The following NDE1 variants were observed in gnomAD, a reference collection of about 807,000 sequenced individuals.
NDE1 encodes the protein nudE neurodevelopment protein 1, also known as nuclear distribution protein nudE homolog 1.
Under a neutral mutation model 43.4 loss-of-function variants are expected in NDE1, and 28 were observed. The ratio of observed to expected loss-of-function variants is 0.65; its 90% CI spans 0.48 to 0.89. The LOEUF is 0.89. NDE1 is among the 40% of genes least tolerant of loss of function. The probability of loss-of-function intolerance (pLI) is 0.00; values close to 1 mark genes in which losing one functional copy is unlikely to be tolerated. For missense variants in NDE1, 441 were observed against 434.1 expected (o/e 1.02, Z -0.14); for synonymous variants, 184 against 172.0 (o/e 1.07, Z -0.55).
intron 3 of NDE1, among the ~76,000 whole-genome samples, chr16:15,671,779 C>G (rs190540114): frequency 3.3e-5 from 5 of 152,224 alleles, no homozygotes; most frequent in Middle Eastern, 3.4e-3. Context: ...CAACCTCTGA[C>G]TTCCAGGCTT....
At chr16:15,693,655 A>G (rs2038864634) in intron 6 of NDE1, among the ~76,000 whole-genome samples, 1 of 151,894 alleles carries the variant, frequency 6.6e-6, no homozygotes, top group South Asian at 2.1e-4. Flanking sequence ...AAAATTTGTT[A>G]AAGGCCAGGC....
intron 8 of NDE1, among the ~76,000 whole-genome samples, chr16:15,705,092 G>A (rs2039376500): frequency 6.6e-6 from 1 of 152,194 alleles, no homozygotes; most frequent in African/African-American, 2.4e-5. Flanking sequence ...CAGTCCTTGA[G>A]CCTCAGTATT....
At chr16:15,703,252 ACAGAAGG>A in intron 8 of NDE1, 1 of 216,932 alleles carries the variant, frequency 4.6e-6, no homozygotes. Context: ...TCATGTGACT[ACAGAAGG>A]CACTTGGTGA....
Position 15,712,373 on chromosome 16 carries a change from C to G in NDE1, c.948-11818C>G, listed in dbSNP as rs139739458. Among the ~76,000 whole-genome samples, 106 of 152,116 alleles carry G rather than the reference C, an allele frequency of 7.0e-4. No homozygotes were observed. In the East Asian group the frequency reaches 0.018, roughly 26 times the overall value. ...GGGGAGAGATGAAAACAACTAAGGC[C>G]GTGCAGTGGTCCATGCCTGTAATCC... On this transcript the variant is annotated intron_variant, in intron 8 of 8. Coordinates refer to ENST00000396354, the MANE Select transcript of NDE1 (RefSeq NM_017668.3).
chr16:15,696,984 A>C (rs898925290), intron 8 of NDE1, 124 bp downstream of exon 8: 11 of 1,540,240 alleles, frequency 7.1e-6, no homozygotes, highest in African/African-American at 2.7e-5. Flanking sequence ...AGCAAACCTT[A>C]TCCTCTCCTC....
chr16:15,694,800 G>A (rs186211007), intron 7 of NDE1: 136 of 985,314 alleles, frequency 1.4e-4, no homozygotes, highest in Admixed American at 1.1e-3. Flanking sequence ...TCCTTTTACC[G>A]TTTTTCCTCT....
chr16:15,720,391 C>T (rs1261849734), intron 8 of NDE1: 3 of 1,531,380 alleles, frequency 2.0e-6, no homozygotes, highest in African/African-American at 1.4e-5. Flanking sequence ...CACATCACTG[C>T]ACCCCTTCCC....
chr16:15,664,495 T>C (rs2037202460), intron 1 of NDE1, among the ~76,000 whole-genome samples: 1 of 152,082 alleles, frequency 6.6e-6, no homozygotes, highest in Non-Finnish European at 1.5e-5. Flanking sequence ...TAGCTGGGAC[T>C]ACAGGCACCC....
rs2040718884 is a variant in NDE1, at chr16:15,725,676, A to T, written c.*1425A>T. On this transcript the variant is annotated 3_prime_UTR_variant, in exon 9 of 9. Coordinates refer to ENST00000396354, the MANE Select transcript of NDE1 (RefSeq NM_017668.3). Reference sequence around the variant, plus strand: ...TGCTCTCAACTGCATGTGAGAAAAAAACATCTCACTTAATTCTTCCCTCGC... The same window carrying T: ...TGCTCTCAACTGCATGTGAGAAAAATACATCTCACTTAATTCTTCCCTCGC... 2.5e-6 allele frequency: 1 copy of T among 398,862 alleles called. No homozygotes were observed. The highest frequency in any genetic ancestry group is 4.4e-5 in the Admixed American group (1 of 22,746). 24.7% of individuals were successfully genotyped at this position (398,862 alleles called of 1,614,324 possible).
chr16:15,707,788 A>G (rs2039536251), intron 8 of NDE1, among the ~76,000 whole-genome samples: 1 of 152,118 alleles, frequency 6.6e-6, no homozygotes, highest in South Asian at 2.1e-4. Flanking sequence ...CCTGGCCAAC[A>G]TGGTGATATC....
intron 8 of NDE1, chr16:15,700,229 T>A (rs2039178385): frequency 2.0e-6 from 1 of 509,454 alleles, no homozygotes; most frequent in South Asian, 7.4e-5. Context: ...TCCAGGTAGC[T>A]GGGATTACAG....
Position 15,688,689 on chromosome 16 carries a change from C to CTTTTTTTTTTTTTT in NDE1, c.523+1192_523+1205dup. ...AGTGGATTGTCCAAGTTGTTTTTAC[C>CTTTTTTTTTTTTTT]TTTTTTTTTTTTTTTTTTTTTTTTT... On this transcript the variant is annotated intron_variant, in intron 5 of 8. Coordinates refer to ENST00000396354, the MANE Select transcript of NDE1 (RefSeq NM_017668.3). Among the ~76,000 whole-genome samples the CTTTTTTTTTTTTTT allele has an allele frequency of 2.9e-3, 174 of 59,998 alleles. 31 individuals carry two copies. Among genetic ancestry groups the CTTTTTTTTTTTTTT allele is most frequent in the Non-Finnish European group, 3.6e-3 (121 of 33,864 alleles). The allele number at this position is 59,998 out of a possible 152,430, so 39.4% of individuals were successfully genotyped here.
rs571504063 is a variant in NDE1 at position 15,714,928 on chromosome 16, C to T, written c.948-9263C>T. 4.5e-5 allele frequency: 73 copies of T among 1,613,976 alleles called. No homozygotes were observed. Among genetic ancestry groups the T allele is most frequent in the Admixed American group, 2.0e-4 (12 of 60,026 alleles). The stretch of plus-strand genomic sequence containing the variant: ...CCTCACCTGAGCTTGCTCTTGAGTG[C>T]GTTCACCTCGCGGCCCATGGCCTCG... On this transcript the variant is annotated intron_variant, in intron 8 of 8. Coordinates refer to ENST00000396354, the MANE Select transcript of NDE1 (RefSeq NM_017668.3).
rs67220509 is a variant in NDE1, at chr16:15,690,337, CTT to C, written c.524-793_524-792del. 8.8e-3 allele frequency among the ~76,000 whole-genome samples: 647 copies of C among 73,942 alleles called. 6 individuals are homozygous for C. The highest frequency in any genetic ancestry group is 0.021 in the Middle Eastern group (2 of 96). 48.5% of individuals were successfully genotyped at this position (73,942 alleles called of 152,430 possible). ...ATAGGCTTGAGCCAGTGCAACTGGC[CTT>C]TTTTTTTTTTTTTCTTTTTTTTTTT... On this transcript the variant is annotated intron_variant, in intron 5 of 8. Coordinates refer to ENST00000396354, the MANE Select transcript of NDE1 (RefSeq NM_017668.3).
intron 4 of NDE1, among the ~76,000 whole-genome samples, chr16:15,681,372 C>G (rs1399446690): frequency 7.1e-6 from 1 of 141,204 alleles, no homozygotes; most frequent in East Asian, 2.2e-4. Context: ...GCAAGTGATT[C>G]TCCCACCTCA....
chr16:15,695,203 C>CTTTTTTTTTT lies in NDE1; in HGVS notation c.795+962_795+971dup, dbSNP rs71134451. Among the ~76,000 whole-genome samples, 108 of 79,678 alleles carry CTTTTTTTTTT rather than the reference C, an allele frequency of 1.4e-3. 1 individual carries two copies. The highest frequency in any genetic ancestry group is 5.3e-3 in the African/African-American group (96 of 18,088). The allele number at this position is 79,678 out of a possible 152,430, so 52.3% of individuals were successfully genotyped here. On this transcript the variant is annotated intron_variant, in intron 7 of 8. Transcript: ENST00000396354. ...TCTCAGAAGAGAAAAAAACTGCCACCTTTTTTTTTTTTTTTTTTTTTTTTG... is the reference window on the plus strand; with the variant it reads ...TCTCAGAAGAGAAAAAAACTGCCACCTTTTTTTTTTTTTTTTTTTTTTTTTTTTTTTTTTG...
At chr16:15,706,001 A>AAAAAAAAAAAAAAAC (rs2039431140) in intron 8 of NDE1, among the ~76,000 whole-genome samples, 1 of 151,090 alleles carries the variant, frequency 6.6e-6, no homozygotes. Context: ...AAAAAAAAAA[A>AAAAAAAAAAAAAAAC]AAAATCAAGG....
chr16:15,654,523 G>C (rs66735690), intron 1 of NDE1, among the ~76,000 whole-genome samples: 106,652 of 147,584 alleles, frequency 0.72, 39,303 homozygotes, highest in African/African-American at 0.89. Flanking sequence ...ATCGCTTGAA[G>C]CTGCGAGGCA....
intron 8 of NDE1, chr16:15,720,090 G>C (rs1259413133): frequency 1.2e-6 from 2 of 1,610,450 alleles, no homozygotes; most frequent in Non-Finnish European, 1.7e-6. Flanking sequence ...GCTGACTTCG[G>C]TGGCCTGAGG....
Sources: gnomAD v4.1 joint callset for allele counts (sites outside exome capture counted in the v4.1 genomes callset) on GRCh38, gnomAD v4.1.1 for gene constraint, MANE v1.5 for transcripts, NCBI Gene and HGNC (gene_info 2026-07-23, HGNC 2026-07-21) for gene names.